Variants in PCDH15 observed in about 807,000 individuals in gnomAD.
PCDH15 encodes protocadherin related 15.
A neutral mutation model predicts 178.5 loss-of-function variants in PCDH15; 129 were observed. The observed-to-expected ratio is 0.72, with a 90% CI of 0.63 to 0.84. PCDH15 has a LOEUF of 0.84. Among genes scored for constraint, PCDH15 ranks in the 40% least tolerant of loss-of-function variants. The pLI is 0.00. For synonymous variants in PCDH15, 800 were observed against 732.0 expected (o/e 1.09, Z -1.50); for missense variants, 2,230 against 2,099.9 (o/e 1.06, Z -1.21).
intron 2 of PCDH15, among the ~76,000 whole-genome samples, chr10:55,546,577 C>T (rs1461280059): frequency 2.6e-5 from 4 of 152,078 alleles, no homozygotes; most frequent in Non-Finnish European, 2.9e-5. Context: ...GTTTTATTTA[C>T]CAATATAACA....
chr10:55,271,626 T>C (rs1357694993), intron 1 of PCDH15, among the ~76,000 whole-genome samples: 1 of 152,062 alleles, frequency 6.6e-6, no homozygotes, highest in Non-Finnish European at 1.5e-5. Flanking sequence ...AAATAGATTA[T>C]TTTGAGTGTC....
At chr10:55,605,202 G>T (rs1255781213) in intron 2 of PCDH15, among the ~76,000 whole-genome samples, 1 of 151,742 alleles carries the variant, frequency 6.6e-6, no homozygotes, top group African/African-American at 2.4e-5. Flanking sequence ...CCAGGAAGAA[G>T]TTGAATCTCT....
intron 1 of PCDH15, among the ~76,000 whole-genome samples, chr10:54,706,856 T>TA (rs1323019935): frequency 1.3e-5 from 2 of 152,068 alleles, no homozygotes; most frequent in Non-Finnish European, 2.9e-5. Context: ...CTCCTGACCT[T>TA]AGTGATCTTC....
At chr10:54,841,353 G>A (rs1468157346) in intron 3 of PCDH15, among the ~76,000 whole-genome samples, 3 of 151,724 alleles carry the variant, frequency 2.0e-5, no homozygotes, top group Admixed American at 6.6e-5. Flanking sequence ...AAATAAAAAA[G>A]CATCTTAAAA....
chr10:54,523,474 T>C (rs2083082504), intron 3 of PCDH15, among the ~76,000 whole-genome samples: 1 of 152,098 alleles, frequency 6.6e-6, no homozygotes, highest in Non-Finnish European at 1.5e-5. Context: ...TAAATGCTCA[T>C]TTTAGTATAT....
intron 2 of PCDH15, among the ~76,000 whole-genome samples, chr10:54,601,615 T>C (rs1333780438): frequency 6.6e-6 from 1 of 151,922 alleles, no homozygotes; most frequent in Non-Finnish European, 1.5e-5. Context: ...GTTCGTCCAT[T>C]GTAAGAAGCA....
chr10:55,455,042 T>C (rs1210085838), intron 2 of PCDH15, among the ~76,000 whole-genome samples: 1 of 152,142 alleles, frequency 6.6e-6, no homozygotes, highest in Non-Finnish European at 1.5e-5. Context: ...AGTACCTAGA[T>C]ATTGCTCTGT....
At chr10:55,235,885 C>T (rs933164601) in intron 1 of PCDH15, among the ~76,000 whole-genome samples, 7 of 127,654 alleles carry the variant, frequency 5.5e-5, no homozygotes, top group African/African-American at 1.5e-4. Context: ...CCAGCCTGGG[C>T]GACAGAGCGA....
intron 2 of PCDH15, among the ~76,000 whole-genome samples, chr10:55,016,969 C>CAT (rs947871823): frequency 6.6e-5 from 10 of 151,840 alleles, no homozygotes; most frequent in Non-Finnish European, 1.5e-4. Context: ...CACTCACACA[C>CAT]ACACAGAGGG....
chr10:55,444,146 T>A (rs573938262), intron 2 of PCDH15, among the ~76,000 whole-genome samples: 70 of 138,342 alleles, frequency 5.1e-4, no homozygotes, highest in Non-Finnish European at 8.6e-4. Context: ...GGGTGGGGGG[T>A]AAGGGGAGGG....
At chr10:55,440,949 T>G (rs1355258304) in intron 2 of PCDH15, among the ~76,000 whole-genome samples, 1 of 152,118 alleles carries the variant, frequency 6.6e-6, no homozygotes, top group Non-Finnish European at 1.5e-5. Flanking sequence ...TTGGCTACCA[T>G]GAGAACAGTA....
chr10:53,885,974 A>T (rs1363942126), intron 26 of PCDH15, among the ~76,000 whole-genome samples: 1 of 152,192 alleles, frequency 6.6e-6, no homozygotes, highest in Non-Finnish European at 1.5e-5. Context: ...CCCAGTATTC[A>T]GTTTTAAGGG....
chr10:54,355,120 CAAAAAAAAAAAAA>C (rs770404490), intron 5 of PCDH15, among the ~76,000 whole-genome samples: 1 of 69,840 alleles, frequency 1.4e-5, no homozygotes, highest in Admixed American at 2.1e-4. Flanking sequence ...AGGAGGATTG[CAAAAAAAAAAAAA>C]AAAAAAAAAA....
intron 10 of PCDH15, among the ~76,000 whole-genome samples, chr10:54,208,664 A>C (rs528220231): frequency 6.6e-6 from 1 of 152,072 alleles, no homozygotes; most frequent in South Asian, 2.1e-4. Flanking sequence ...TGTTGTTTAT[A>C]ATCCACCCAG....
chr10:54,680,715 C>A (rs2094884113), intron 1 of PCDH15, among the ~76,000 whole-genome samples: 1 of 152,156 alleles, frequency 6.6e-6, no homozygotes, highest in South Asian at 2.1e-4. Flanking sequence ...TTCCCCTGCA[C>A]AAGCTCTCTT....
At chr10:55,253,297 C>A (rs1344039331) in intron 1 of PCDH15, among the ~76,000 whole-genome samples, 1 of 151,214 alleles carries the variant, frequency 6.6e-6, no homozygotes, top group Non-Finnish European at 1.5e-5. Flanking sequence ...TAAAGTTTAA[C>A]CAAACCAAAT....
intron 13 of PCDH15, among the ~76,000 whole-genome samples, chr10:54,160,608 T>C (rs1167964335): frequency 1.3e-5 from 2 of 152,086 alleles, no homozygotes; most frequent in African/African-American, 2.4e-5. Context: ...AAGAACATGA[T>C]ACATAAAATA....
chr10:54,132,133 T>C (rs757812329), intron 15 of PCDH15, among the ~76,000 whole-genome samples: 17 of 152,094 alleles, frequency 1.1e-4, no homozygotes, highest in Admixed American at 2.6e-4. Context: ...ATATAGAAAA[T>C]AGTACGTCAT....
At chr10:54,675,458 TTG>T (rs1491481543) in intron 1 of PCDH15, among the ~76,000 whole-genome samples, 3 of 135,366 alleles carry the variant, frequency 2.2e-5, no homozygotes, top group African/African-American at 8.4e-5. Context: ...CCTTTTCATG[TTG>T]TTTTTTTTTT....
Sources: gnomAD v4.1 joint callset for allele counts (sites outside exome capture counted in the v4.1 genomes callset) on GRCh38, gnomAD v4.1.1 for gene constraint, MANE v1.5 for transcripts, NCBI Gene and HGNC (gene_info 2026-07-23, HGNC 2026-07-21) for gene names.